The following STRN3 variants were observed in gnomAD, a reference collection of about 807,000 sequenced individuals.
STRN3 encodes striatin-3.
A neutral mutation model predicts 95.6 loss-of-function variants in STRN3; 29 were observed. That is an observed-to-expected ratio of 0.30 (90% confidence interval 0.23 to 0.41). The LOEUF (loss-of-function observed/expected upper bound fraction) is 0.41. STRN3 is among the 10% of genes least tolerant of loss of function. The pLI is 1.00. For missense variants in STRN3, 890 were observed against 972.1 expected, an observed-to-expected ratio of 0.92 and a Z score of 1.12; for synonymous variants, 331 against 357.6, an observed-to-expected ratio of 0.93 and a Z score of 0.84.
At chr14:31,010,866 T>C (rs1431808878) in intron 1 of STRN3, among the ~76,000 whole-genome samples, 1 of 152,076 alleles carries the variant, frequency 6.6e-6, no homozygotes, top group Non-Finnish European at 1.5e-5. Flanking sequence ...TGGCGAAACC[T>C]TGTCTTTCCT....
chr14:30,933,878 G>A (rs1326267559), intron 7 of STRN3, among the ~76,000 whole-genome samples: 5 of 152,006 alleles, frequency 3.3e-5, no homozygotes, highest in African/African-American at 1.2e-4. Flanking sequence ...TACATATTAG[G>A]TTTTTTCTCT....
chr14:30,918,381 C>T (rs755919662), intron 9 of STRN3, among the ~76,000 whole-genome samples: 7 of 151,738 alleles, frequency 4.6e-5, no homozygotes, highest in African/African-American at 1.2e-4. Flanking sequence ...TGGTGGTGTG[C>T]GCCTATAGTC....
rs908471044 is a variant in STRN3, at chr14:30,934,053, C to T, written c.988+1110G>A. Among the ~76,000 whole-genome samples, 9 of 152,232 alleles carry T rather than the reference C, an allele frequency of 5.9e-5. 1 individual carries two copies. Among genetic ancestry groups the T allele is most frequent in the Admixed American group, 2.6e-4 (4 of 15,294 alleles). ...AAAATAACCTTCTCCAGGCCAGGCGCGGTGGTTCATGCCTGTAATCCCAGT... is the reference window on the plus strand; with the variant it reads ...AAAATAACCTTCTCCAGGCCAGGCGTGGTGGTTCATGCCTGTAATCCCAGT... On this transcript the variant is annotated intron_variant, in intron 7 of 17. Transcript: ENST00000357479.
In STRN3 at chr14:30,993,974, A is replaced by T. The variant is rs533362320; in HGVS notation, c.282+31930T>A. On this transcript the variant is annotated intron_variant, in intron 1 of 17. Coordinates refer to ENST00000357479, the MANE Select transcript of STRN3 (RefSeq NM_001083893.2). ...CTCACGGCAAGCTCCACCTCTCGGG[A>T]TCAAGCGATTCTCCTGCCTCAGCCT... Among the ~76,000 whole-genome samples, 421 of 149,354 alleles carry T rather than the reference A, an allele frequency of 2.8e-3. 5 individuals carry two copies. Among genetic ancestry groups the T allele is most frequent in the African/African-American group, 9.9e-3 (400 of 40,372 alleles).
intron 1 of STRN3, among the ~76,000 whole-genome samples, chr14:31,008,216 A>G (rs1055091499): frequency 6.6e-6 from 1 of 150,632 alleles, no homozygotes; most frequent in Non-Finnish European, 1.5e-5. Flanking sequence ...AGAAAAGAAA[A>G]CAGAAAAAAT....
chr14:31,014,640 T>C lies in STRN3; in HGVS notation c.282+11264A>G, dbSNP rs191236542. 3.4e-5 allele frequency: 15 copies of C among 443,166 alleles called. No homozygotes were observed. The Admixed American group carries it at 4.6e-4, about 14-fold the overall frequency. 27.5% of individuals were successfully genotyped at this position (443,166 alleles called of 1,614,324 possible). ...TTCTAGTCTTTTAAATCTTGTTCAC[T>C]GAAACCACTTAGGTGTAATGCTATC... On this transcript the variant is annotated intron_variant, in intron 1 of 17. Coordinates refer to ENST00000357479, the MANE Select transcript of STRN3 (RefSeq NM_001083893.2).
At chr14:30,999,284 C>T (rs1400540650) in intron 1 of STRN3, among the ~76,000 whole-genome samples, 3 of 152,112 alleles carry the variant, frequency 2.0e-5, no homozygotes, top group East Asian at 1.9e-4. Context: ...CCAGGTCAAG[C>T]GATCCTCCCA....
chr14:30,913,416 C>A, intron 10 of STRN3, 108 bp downstream of exon 10: 2 of 1,202,372 alleles, frequency 1.7e-6, no homozygotes, highest in Non-Finnish European at 2.2e-6. Flanking sequence ...TTGACACAAA[C>A]TTATCTTTTC....
intron 1 of STRN3, among the ~76,000 whole-genome samples, chr14:30,985,004 CT>C (rs34423660): frequency 6.6e-6 from 1 of 151,838 alleles, no homozygotes; most frequent in African/African-American, 2.4e-5. Flanking sequence ...TTGCGGAATA[CT>C]TTTTTTTAAT....
At position 30,971,466 on chromosome 14, in the gene STRN3, G is replaced by T. The variant is rs74041083; in HGVS notation, c.283-15224C>A. Among the ~76,000 whole-genome samples, 611 of 152,274 alleles carry T rather than the reference G, an allele frequency of 4.0e-3. 1 individual carries two copies. Among genetic ancestry groups the T allele is most frequent in the African/African-American group, 0.014 (592 of 41,566 alleles). On this transcript the variant is annotated intron_variant, in intron 1 of 17. Coordinates refer to ENST00000357479, the MANE Select transcript of STRN3 (RefSeq NM_001083893.2). ...TATTTTGGTGAGTGACAAAAATGTAGATTGGATAAACTATATCTATTACAA... is the reference window on the plus strand; with the variant it reads ...TATTTTGGTGAGTGACAAAAATGTATATTGGATAAACTATATCTATTACAA...
chr14:30,947,680 A>G (rs1879432287), intron 4 of STRN3, among the ~76,000 whole-genome samples: 2 of 152,150 alleles, frequency 1.3e-5, no homozygotes, highest in African/African-American at 4.8e-5. Flanking sequence ...ACTGCATCTT[A>G]GCACACAGAC....
In STRN3 at chr14:30,911,832, A is replaced by AGG; in HGVS notation, c.1551-10_1551-9dup. On this transcript the variant is annotated splice_polypyrimidine_tract_variant and intron_variant, in intron 11 of 17. Transcript: ENST00000357479. ...ACATCTAAAGAGGCACTCCTAAAAGAGGGGGAAAAAGGGTAGGGGAAGAGA... is the reference window on the plus strand; with the variant it reads ...ACATCTAAAGAGGCACTCCTAAAAGAGGGGGGGAAAAAGGGTAGGGGAAGAGA... 6.2e-7 allele frequency: 1 copy of AGG among 1,603,252 alleles called. No homozygotes were observed. Among genetic ancestry groups the AGG allele is most frequent in the South Asian group, 1.1e-5 (1 of 88,098 alleles).
At chr14:30,972,835 A>T (rs1406601802) in intron 1 of STRN3, among the ~76,000 whole-genome samples, 1 of 152,030 alleles carries the variant, frequency 6.6e-6, no homozygotes, top group Admixed American at 6.6e-5. Flanking sequence ...ATAACTTGTA[A>T]TGCCTCCCAC....
At chr14:30,950,079 T>C (rs1015518756) in intron 4 of STRN3, among the ~76,000 whole-genome samples, 2 of 150,504 alleles carry the variant, frequency 1.3e-5, no homozygotes, top group Non-Finnish European at 3.0e-5. Context: ...AATTATGGAG[T>C]CTAAGCTAGA....
chr14:30,916,643 T>G (rs1413611838), intron 9 of STRN3, among the ~76,000 whole-genome samples: 1 of 152,132 alleles, frequency 6.6e-6, no homozygotes, highest in Non-Finnish European at 1.5e-5. Context: ...TTGCCCAGGC[T>G]GGTCTTGAAT....
intron 1 of STRN3, among the ~76,000 whole-genome samples, chr14:31,007,887 G>A (rs1416717888): frequency 6.6e-6 from 1 of 152,116 alleles, no homozygotes; most frequent in East Asian, 1.9e-4. Flanking sequence ...GTAAGACCCT[G>A]TCTCCGAAGT....
chr14:30,916,068 A>C (rs563043221), intron 9 of STRN3, among the ~76,000 whole-genome samples: 3 of 152,282 alleles, frequency 2.0e-5, no homozygotes, highest in African/African-American at 7.2e-5. Flanking sequence ...ATGTGCAAAA[A>C]TTCTTTTACA....
Position 30,894,386 on chromosome 14 carries a change from T to C in STRN3, c.*1025A>G, listed in dbSNP as rs1190257586. ...TATTCAAAGAGTTCCAAAATAGATA[T>C]ACAGGTTCCTTTAGCACATTAATAA... is the stretch of plus-strand genomic sequence containing the variant. On this transcript the variant is annotated 3_prime_UTR_variant, in exon 18 of 18. Coordinates refer to ENST00000357479, the MANE Select transcript of STRN3 (RefSeq NM_001083893.2). The C allele has an allele frequency of 2.0e-5, 3 of 152,748 alleles. No homozygotes were observed. Among genetic ancestry groups the C allele is most frequent in the Middle Eastern group, 3.4e-3 (1 of 294 alleles). 9.5% of individuals were successfully genotyped at this position (152,748 alleles called of 1,614,324 possible).
intron 7 of STRN3, among the ~76,000 whole-genome samples, chr14:30,930,810 G>A (rs751354969): frequency 6.6e-6 from 1 of 151,864 alleles, no homozygotes; most frequent in Non-Finnish European, 1.5e-5. Flanking sequence ...CAAGAAAAAC[G>A]GGATCTCAAC....
Sources: allele counts gnomAD v4.1 joint callset (sites outside exome capture counted in the v4.1 genomes callset), GRCh38; gene constraint gnomAD v4.1.1; transcripts MANE v1.5; gene names NCBI Gene and HGNC (gene_info 2026-07-23, HGNC 2026-07-21).